KCNQ1OT1: variants seen among roughly 807,000 people sequenced by gnomAD.
KCNQ1OT1 encodes the protein KCNQ1 opposite strand/antisense transcript 1, also known as KCNQ1 antisense RNA 2 (non-protein coding).
At chr11:2,662,376 C>T in exon 1 of KCNQ1OT1, 1 of 540,130 alleles carries the variant, frequency 1.9e-6, no homozygotes. Flanking sequence ...TTCTCTCCCC[C>T]AGCCCCCTCC....
rs1198135360 is a variant in KCNQ1OT1, at chr11:2,645,567, A to C, written n.54428T>G. 2.5e-6 allele frequency: 1 copy of C among 398,580 alleles called. No homozygotes were observed. Among genetic ancestry groups the C allele is most frequent in the African/African-American group, 2.1e-5 (1 of 48,620 alleles). 24.7% of individuals were successfully genotyped at this position (398,580 alleles called of 1,614,324 possible). ...GATTGCTTTCAGTGGCAGCAGCTAT[A>C]AACAGGCAGTTGGGCAATGCATGCT... On this transcript the variant is annotated non_coding_transcript_exon_variant, in exon 1 of 1. Coordinates refer to ENST00000597346, the Ensembl canonical transcript of KCNQ1OT1. This position sits in a 1 kb window ranked among gnomAD's most constrained non-coding sequence, Gnocchi z 5.8.
chr11:2,660,944 A>C, exon 1 of KCNQ1OT1: 1 of 398,682 alleles, frequency 2.5e-6, no homozygotes, highest in Non-Finnish European at 4.4e-6. Context: ...GATATACAGA[A>C]TGGTTAGCTG....
chr11:2,688,954 G>A, exon 1 of KCNQ1OT1: 1 of 398,828 alleles, frequency 2.5e-6, no homozygotes, highest in Non-Finnish European at 4.4e-6. Flanking sequence ...ACTGGGCCTA[G>A]GGCTCTGAGA....
chr11:2,667,608 C>G, exon 1 of KCNQ1OT1: 1 of 398,570 alleles, frequency 2.5e-6, no homozygotes, highest in Non-Finnish European at 4.4e-6. Flanking sequence ...GGGGGCACAT[C>G]CCATATAGAT....
chr11:2,665,685 A>G (rs952138681), exon 1 of KCNQ1OT1: 7 of 398,180 alleles, frequency 1.8e-5, no homozygotes, highest in Non-Finnish European at 3.1e-5. Context: ...GAATGGTGCC[A>G]GGAGGGAGAA....
Position 2,683,831 on chromosome 11 carries a change from T to G in KCNQ1OT1, n.16164A>C. On this transcript the variant is annotated non_coding_transcript_exon_variant, in exon 1 of 1. Coordinates refer to ENST00000597346, the Ensembl canonical transcript of KCNQ1OT1. The surrounding 1 kb of genome is among the most constrained non-coding windows in gnomAD (Gnocchi z 4.7). ...GCCACTAGCTTGCAGAATGGCTTTG[T>G]TGGATTCCCCTCCCTGGCCCCACAC... The G allele has an allele frequency of 2.5e-6, 1 of 398,680 alleles. No homozygotes were observed. 24.7% of individuals were successfully genotyped at this position (398,680 alleles called of 1,614,324 possible). A position where few individuals can be genotyped will look rare whatever the true frequency, so the allele number is the denominator to read the frequency against.
rs1287684811 is a variant in KCNQ1OT1, at chr11:2,617,708, C to A, written n.82287G>T. 1 of 398,306 alleles carries A rather than the reference C, an allele frequency of 2.5e-6. No individual in the cohort carries two copies. 24.7% of individuals were successfully genotyped at this position (398,306 alleles called of 1,614,324 possible). ...TGTACAAGAGTTCCCTAACCCTAGC[C>A]AACACTTAATAGCTATTCTCATGAG... On this transcript the variant is annotated non_coding_transcript_exon_variant, in exon 1 of 1. Transcript: ENST00000597346. This position sits in a 1 kb window ranked among gnomAD's most constrained non-coding sequence, Gnocchi z 4.6.
chr11:2,681,581 G>T (rs896778145), exon 1 of KCNQ1OT1: 3 of 398,512 alleles, frequency 7.5e-6, no homozygotes, highest in Non-Finnish European at 1.3e-5. Flanking sequence ...TTTTCAGGAA[G>T]TTTCTAGCTT....
Position 2,687,251 on chromosome 11 carries a change from G to A in KCNQ1OT1, n.12744C>T. On this transcript the variant is annotated non_coding_transcript_exon_variant, in exon 1 of 1. Coordinates refer to ENST00000597346, the Ensembl canonical transcript of KCNQ1OT1. This position sits in a 1 kb window ranked among gnomAD's most constrained non-coding sequence, Gnocchi z 5.0. ...TTTCACTCAGCCAGCATCACTACCA[G>A]CTCCGGGCTTCTCTCCTCTGGCCTC... is the stretch of plus-strand genomic sequence containing the variant. The A allele has an allele frequency of 2.5e-6, 1 of 398,658 alleles. No individual in the cohort carries two copies. The highest frequency in any genetic ancestry group is 4.4e-6 in the Non-Finnish European group (1 of 226,080). 24.7% of individuals were successfully genotyped at this position (398,658 alleles called of 1,614,324 possible).
Position 2,668,162 on chromosome 11 carries a change from G to C in KCNQ1OT1, n.31833C>G, listed in dbSNP as rs1373042627. On this transcript the variant is annotated non_coding_transcript_exon_variant, in exon 1 of 1. Coordinates refer to ENST00000597346, the Ensembl canonical transcript of KCNQ1OT1. The surrounding 1 kb of genome is among the most constrained non-coding windows in gnomAD (Gnocchi z 4.3). The stretch of plus-strand genomic sequence containing the variant: ...GGCTGAAGGGAGAGTGCTCCCTCAT[G>C]CTCCTTGCTGACTGGTGCTCCATTG... 7.5e-6 allele frequency: 3 copies of C among 398,494 alleles called. No individual in the cohort carries two copies. Among genetic ancestry groups the C allele is most frequent in the African/African-American group, 6.2e-5 (3 of 48,608 alleles). 24.7% of individuals were successfully genotyped at this position (398,494 alleles called of 1,614,324 possible). A position where few individuals can be genotyped will look rare whatever the true frequency, so the allele number is the denominator to read the frequency against.
At chr11:2,633,901 T>C (rs1014926977) in exon 1 of KCNQ1OT1, 2 of 398,520 alleles carry the variant, frequency 5.0e-6, no homozygotes, top group South Asian at 2.5e-4. Flanking sequence ...TTTTCACTTT[T>C]GTGAATATTG....
In KCNQ1OT1 at chr11:2,611,596, A is replaced by ATGT; in HGVS notation, n.88396_88398dup. ...TTTTTCCATCATTTTACTTTCAACTATGTCTTTGAATCTAGAATGTGACTC... is the reference window on the plus strand; with the variant it reads ...TTTTTCCATCATTTTACTTTCAACTATGTTGTCTTTGAATCTAGAATGTGACTC... On this transcript the variant is annotated non_coding_transcript_exon_variant, in exon 1 of 1. Transcript: ENST00000597346. The surrounding 1 kb of genome is among the most constrained non-coding windows in gnomAD (Gnocchi z 5.3). 2.5e-6 allele frequency: 1 copy of ATGT among 398,400 alleles called. No homozygotes were observed. Among genetic ancestry groups the ATGT allele is most frequent in the Non-Finnish European group, 4.4e-6 (1 of 226,006 alleles). 24.7% of individuals were successfully genotyped at this position (398,400 alleles called of 1,614,324 possible).
chr11:2,646,990 C>G (rs904770514), exon 1 of KCNQ1OT1: 28 of 398,314 alleles, frequency 7.0e-5, no homozygotes, highest in Non-Finnish European at 1.1e-4. Flanking sequence ...TTTTACTTGC[C>G]TAATTGTTCT....
At chr11:2,631,235 A>C (rs1178882979) in exon 1 of KCNQ1OT1, 2 of 398,348 alleles carry the variant, frequency 5.0e-6, no homozygotes, top group African/African-American at 4.1e-5. Context: ...AACTCTCCTG[A>C]TGGTGTCCCA....
rs186134474 is a variant in KCNQ1OT1 at position 2,669,493 on chromosome 11, A to G, written n.30502T>C. The G allele has an allele frequency of 6.5e-5, 26 of 398,628 alleles. No individual in the cohort carries two copies. Among genetic ancestry groups the G allele is most frequent in the African/African-American group, 4.1e-4 (20 of 48,746 alleles). The allele number at this position is 398,628 out of a possible 1,614,324, so 24.7% of individuals were successfully genotyped here. A position where few individuals can be genotyped will look rare whatever the true frequency, so the allele number is the denominator to read the frequency against. ...TGGTCATGAACAGCTTGTCAGATTCATTCCTTGTCAGCTAATGGTTTGATG... is the reference window on the plus strand; with the variant it reads ...TGGTCATGAACAGCTTGTCAGATTCGTTCCTTGTCAGCTAATGGTTTGATG... On this transcript the variant is annotated non_coding_transcript_exon_variant, in exon 1 of 1. Coordinates refer to ENST00000597346, the Ensembl canonical transcript of KCNQ1OT1. The surrounding 1 kb of genome is among the most constrained non-coding windows in gnomAD (Gnocchi z 5.6).
rs34219164 is a variant in KCNQ1OT1 at position 2,674,832 on chromosome 11, TAAAAAA to T, written n.25157_25162del. 9.2e-5 allele frequency: 28 copies of T among 303,760 alleles called. No individual in the cohort carries two copies. The highest frequency in any genetic ancestry group is 2.2e-4 in the South Asian group (1 of 4,454). 18.8% of individuals were successfully genotyped at this position (303,760 alleles called of 1,614,324 possible). ...GCTTGTCACCCTAATAGCTGTTTTT[TAAAAAA>T]AAAAAAAAAAAAAAAAAAAAAAGCT... On this transcript the variant is annotated non_coding_transcript_exon_variant, in exon 1 of 1. Transcript: ENST00000597346. This position sits in a 1 kb window ranked among gnomAD's most constrained non-coding sequence, Gnocchi z 5.9.
exon 1 of KCNQ1OT1, chr11:2,643,822 C>T (rs1352300363): frequency 3.5e-5 from 14 of 398,402 alleles, no homozygotes; most frequent in Non-Finnish European, 5.8e-5. Flanking sequence ...AAGGGAAATA[C>T]TTTATTTCTC....
exon 1 of KCNQ1OT1, chr11:2,619,940 G>T (rs562912107): frequency 2.4e-5 from 9 of 374,774 alleles, no homozygotes; most frequent in African/African-American, 1.7e-4. Context: ...TGATGATGAG[G>T]TTTGGAGTGT....
exon 1 of KCNQ1OT1, chr11:2,680,896 T>G: frequency 2.5e-6 from 1 of 398,606 alleles, no homozygotes; most frequent in Admixed American, 4.4e-5. Context: ...TGTGTATCCT[T>G]GCATTTTGGT....
Sources: allele counts gnomAD v4.1 joint callset, GRCh38; gene constraint gnomAD v4.1.1; non-coding constraint Gnocchi (gnomAD v3.1); transcripts MANE v1.5; gene names NCBI Gene and HGNC (gene_info 2026-07-23, HGNC 2026-07-21).